HEMK2: variants seen among roughly 807,000 people sequenced by gnomAD.
HEMK2 encodes methyltransferase HEMK2.
chr21:28,656,732 C>T, the HEMK2 span, among the ~76,000 whole-genome samples: 3 of 152,034 alleles, frequency 2.0e-5, no homozygotes, highest in African/African-American at 7.2e-5. Context: ...AGTCCACATG[C>T]CACTGTTAAT....
At chr21:28,594,199 GA>G in the HEMK2 span, among the ~76,000 whole-genome samples, 1 of 152,244 alleles carries the variant, frequency 6.6e-6, no homozygotes, top group Admixed American at 6.5e-5. Flanking sequence ...TAAAAAGTAA[GA>G]AAACTCTAAG....
At chr21:28,834,723 A>G in the HEMK2 span, among the ~76,000 whole-genome samples, 446 of 152,298 alleles carry the variant, frequency 2.9e-3, 3 homozygotes, top group African/African-American at 1.0e-2. Flanking sequence ...TTTCTTTTGT[A>G]GCGTGGAGGT....
the HEMK2 span, among the ~76,000 whole-genome samples, chr21:28,681,153 C>T: frequency 6.6e-6 from 1 of 152,088 alleles, no homozygotes; most frequent in Non-Finnish European, 1.5e-5. Context: ...CTAGAAAACC[C>T]CATCATCTCA....
the HEMK2 span, among the ~76,000 whole-genome samples, chr21:28,710,204 A>C: frequency 3.9e-5 from 6 of 152,236 alleles, no homozygotes; most frequent in Non-Finnish European, 8.8e-5. Context: ...CACTAAGTTA[A>C]TTACAGATAA....
the HEMK2 span, among the ~76,000 whole-genome samples, chr21:28,863,410 TTATATATA>T: frequency 2.2e-3 from 84 of 38,940 alleles, no homozygotes; most frequent in Non-Finnish European, 2.6e-3. Context: ...AAACTCCCTT[TTATATATA>T]TATATATATA....
chr21:28,814,076 A>G, the HEMK2 span, among the ~76,000 whole-genome samples: 1 of 152,058 alleles, frequency 6.6e-6, no homozygotes, highest in Admixed American at 6.6e-5. Context: ...TCTCTAATAA[A>G]AATACAAAAA....
chr21:28,592,043 T>C, the HEMK2 span, among the ~76,000 whole-genome samples: 1 of 152,196 alleles, frequency 6.6e-6, no homozygotes, highest in African/African-American at 2.4e-5. Context: ...ATAGAACAAT[T>C]ATATTCTTGT....
the HEMK2 span, among the ~76,000 whole-genome samples, chr21:28,576,686 G>A: frequency 6.6e-6 from 1 of 151,998 alleles, no homozygotes. Flanking sequence ...AGCTCTGTAG[G>A]TTTAGCTTTT....
the HEMK2 span, among the ~76,000 whole-genome samples, chr21:28,640,224 G>A: frequency 1.3e-5 from 2 of 152,286 alleles, no homozygotes; most frequent in East Asian, 3.9e-4. Context: ...ATGAAGAGTA[G>A]CAGACGCAAG....
chr21:28,775,668 C>T, the HEMK2 span, among the ~76,000 whole-genome samples: 4 of 152,048 alleles, frequency 2.6e-5, no homozygotes, highest in South Asian at 8.3e-4. Flanking sequence ...CTGAGAAGTT[C>T]AACAAGAAAG....
the HEMK2 span, among the ~76,000 whole-genome samples, chr21:28,709,707 A>G: frequency 6.6e-6 from 1 of 152,064 alleles, no homozygotes; most frequent in Non-Finnish European, 1.5e-5. Flanking sequence ...TGACCCTGTA[A>G]GGCTTTGTAA....
the HEMK2 span, among the ~76,000 whole-genome samples, chr21:28,620,660 CTTTTTTTTTTTTTTTTTTT>C: frequency 2.0e-5 from 1 of 49,654 alleles, no homozygotes; most frequent in Admixed American, 3.4e-4. Context: ...TCTCTCTTTT[CTTTTTTTTTTTTTTTTTTT>C]TTTTTTTTTT....
At chr21:28,600,254 T>C in the HEMK2 span, among the ~76,000 whole-genome samples, 1 of 152,240 alleles carries the variant, frequency 6.6e-6, no homozygotes, top group Non-Finnish European at 1.5e-5. Context: ...TGCATGGACA[T>C]CCAACTGCTT....
At chr21:28,867,413 A>C in the HEMK2 span, among the ~76,000 whole-genome samples, 9 of 152,358 alleles carry the variant, frequency 5.9e-5, no homozygotes, top group African/African-American at 1.9e-4. Flanking sequence ...GCCATCACCA[A>C]GGGCAAGTGA....
chr21:28,864,381 A>G, the HEMK2 span, among the ~76,000 whole-genome samples: 1 of 151,972 alleles, frequency 6.6e-6, no homozygotes, highest in East Asian at 1.9e-4. Flanking sequence ...TAAAAAGTGT[A>G]TTAATTTGAC....
chr21:28,690,260 A>G, the HEMK2 span, among the ~76,000 whole-genome samples: 3 of 152,158 alleles, frequency 2.0e-5, no homozygotes, highest in Non-Finnish European at 4.4e-5. Flanking sequence ...GCACAGCCAA[A>G]CCATATCACT....
the HEMK2 span, among the ~76,000 whole-genome samples, chr21:28,612,118 C>A: frequency 6.9e-6 from 1 of 145,236 alleles, no homozygotes; most frequent in Non-Finnish European, 1.5e-5. Context: ...AAGGGCATAA[C>A]AAGAAAAGGA....
the HEMK2 span, among the ~76,000 whole-genome samples, chr21:28,856,580 GAGGTATCC>G: frequency 2.0e-5 from 3 of 152,264 alleles, no homozygotes; most frequent in East Asian, 5.8e-4. Context: ...ACCTTCAATT[GAGGTATCC>G]AGGTATCCAG....
the HEMK2 span, among the ~76,000 whole-genome samples, chr21:28,710,811 T>A: frequency 1.3e-5 from 2 of 152,220 alleles, no homozygotes; most frequent in African/African-American, 2.4e-5. Context: ...TTTTTGCTAT[T>A]TTTTAAAACT....
Sources: gnomAD v4.1 joint callset for allele counts (sites outside exome capture counted in the v4.1 genomes callset) on GRCh38, gnomAD v4.1.1 for gene constraint, MANE v1.5 for transcripts, NCBI Gene and HGNC (gene_info 2026-07-23, HGNC 2026-07-21) for gene names.